SPAG17: variants seen among roughly 807,000 people sequenced by gnomAD.
SPAG17 encodes sperm associated antigen 17, also known as sperm-associated antigen 17.
In SPAG17, 169 loss-of-function variants were observed where a neutral mutation model predicts 273.6. The observed-to-expected ratio is 0.62, with a 90% CI of 0.55 to 0.70. The LOEUF is 0.70. Ranked by LOEUF, SPAG17 falls within the 30% of genes least tolerant of loss-of-function variation. The pLI is 0.00. For synonymous variants in SPAG17, 825 were observed against 873.2 expected, an observed-to-expected ratio of 0.94 and a Z score of 0.97; for missense variants, 2,557 against 2,627.8, an observed-to-expected ratio of 0.97 and a Z score of 0.59.
intron 43 of SPAG17, among the ~76,000 whole-genome samples, chr1:117,978,955 C>T (rs1430633537): frequency 2.6e-5 from 4 of 151,708 alleles, no homozygotes; most frequent in Non-Finnish European, 4.4e-5. Context: ...GCAACCTCTA[C>T]CTCCCTGGTT....
chr1:118,034,851 T>A (rs1411347554), intron 24 of SPAG17, among the ~76,000 whole-genome samples: 1 of 152,190 alleles, frequency 6.6e-6, no homozygotes, highest in East Asian at 1.9e-4. Flanking sequence ...TTAGGTATAT[T>A]CAGTAGGCAC....
At chr1:118,167,856 C>T (rs1233955154) in intron 1 of SPAG17, among the ~76,000 whole-genome samples, 1 of 152,104 alleles carries the variant, frequency 6.6e-6, no homozygotes, top group Non-Finnish European at 1.5e-5. Flanking sequence ...GGTTTAGAAC[C>T]ATCCTCTGGG....
Position 118,039,367 on chromosome 1 carries a change from C to G in SPAG17, c.3244G>C (p.Val1082Leu). Residue 1082 changes from valine to leucine, a missense_variant, in exon 23 of 49, where the codon GTG (valine) becomes CTG (leucine). Val to Leu is a conservative substitution (Grantham distance 32). Coordinates refer to ENST00000336338, the MANE Select transcript of SPAG17 (RefSeq NM_206996.4). The stretch of plus-strand genomic sequence containing the variant: ...TAATCCCCTTTCTCTTCCTTTTTCA[C>G]AATTTCCTTAGGGTCATTTAAATGA... ...MIHLNDPKEIVKKEEKGDYYL... is the reference protein window; with the variant it reads ...MIHLNDPKEILKKEEKGDYYL... 3 of 1,613,400 alleles carry G rather than the reference C, an allele frequency of 1.9e-6. No individual in the cohort carries two copies. The highest frequency in any genetic ancestry group is 2.5e-6 in the Non-Finnish European group (3 of 1,179,622).
intron 32 of SPAG17, among the ~76,000 whole-genome samples, chr1:118,002,707 G>T (rs1315617697): frequency 6.6e-6 from 1 of 151,752 alleles, no homozygotes; most frequent in African/African-American, 2.4e-5. Context: ...TTTATTTTGA[G>T]CCTATGTGTG....
chr1:117,987,602 C>T lies in SPAG17; in HGVS notation c.5669+232G>A, dbSNP rs566363768. Among the ~76,000 whole-genome samples the T allele has an allele frequency of 3.7e-4, 57 of 152,258 alleles. No individual in the cohort carries two copies. The South Asian group carries it at 3.9e-3, about 11-fold the overall frequency. Reference sequence around the variant, plus strand: ...AGAATCACCTAAAGCACATTGAGGGCCTAGAGAGCTTTCTTGCTTAGGAGA... The same window carrying T: ...AGAATCACCTAAAGCACATTGAGGGTCTAGAGAGCTTTCTTGCTTAGGAGA... On this transcript the variant is annotated intron_variant, in intron 40 of 48. Coordinates refer to ENST00000336338, the MANE Select transcript of SPAG17 (RefSeq NM_206996.4).
chr1:118,157,434 G>GAAAAGC (rs1419303726), intron 1 of SPAG17, among the ~76,000 whole-genome samples: 1 of 152,136 alleles, frequency 6.6e-6, no homozygotes, highest in Non-Finnish European at 1.5e-5. Flanking sequence ...TGGGCTCTAT[G>GAAAAGC]AAAAGCAGGT....
intron 10 of SPAG17, among the ~76,000 whole-genome samples, chr1:118,090,728 T>A (rs1231546703): frequency 2.6e-5 from 4 of 152,014 alleles, no homozygotes; most frequent in African/African-American, 9.6e-5. Flanking sequence ...TCCAAAAAAA[T>A]TATTTTAAAT....
In SPAG17 at chr1:117,988,181, A is replaced by G. The variant is rs1256841905; in HGVS notation, c.5545T>C (p.Phe1849Leu). The part of the protein sequence containing the change: ...TEVAAHLTDL[F>L]KQSLATPPKC... ...GGAGGCGTAGCCAAAGACTGCTTGA[A>G]TAAATCAGTTAGGTGAGCTGCAACT... Residue 1849 changes from phenylalanine to leucine, a missense_variant, in exon 39 of 49, where the codon TTC becomes CTC. Phe to Leu is a conservative substitution (Grantham distance 22). Transcript: ENST00000336338. 6.3e-7 allele frequency: 1 copy of G among 1,599,914 alleles called. No individual in the cohort carries two copies. Among genetic ancestry groups the G allele is most frequent in the South Asian group, 1.1e-5 (1 of 87,640 alleles).
chr1:118,179,027 A>G (rs897034986), intron 1 of SPAG17, among the ~76,000 whole-genome samples: 1 of 152,000 alleles, frequency 6.6e-6, no homozygotes. Flanking sequence ...TATCCATACT[A>G]TCCAAAATAA....
At chr1:118,148,410 C>G (rs950005970) in intron 3 of SPAG17, among the ~76,000 whole-genome samples, 1 of 152,206 alleles carries the variant, frequency 6.6e-6, no homozygotes, top group Non-Finnish European at 1.5e-5. Flanking sequence ...CTGCAAGGTG[C>G]TAGCTCAGGT....
chr1:118,148,982 C>T (rs926564867), intron 3 of SPAG17, among the ~76,000 whole-genome samples: 3 of 152,070 alleles, frequency 2.0e-5, no homozygotes, highest in Admixed American at 6.6e-5. Context: ...TGACAAGGAG[C>T]CTGAATTTGT....
At chr1:118,050,304 T>C (rs1650851847) in intron 20 of SPAG17, among the ~76,000 whole-genome samples, 1 of 152,174 alleles carries the variant, frequency 6.6e-6, no homozygotes, top group Admixed American at 6.5e-5. Flanking sequence ...CCAATTGTAC[T>C]TTATTTCCTT....
intron 24 of SPAG17, among the ~76,000 whole-genome samples, chr1:118,034,536 G>A (rs1169864927): frequency 1.3e-5 from 2 of 152,192 alleles, no homozygotes; most frequent in African/African-American, 4.8e-5. Flanking sequence ...GCTCTGGGAA[G>A]CATTTCTCAG....
intron 30 of SPAG17, among the ~76,000 whole-genome samples, chr1:118,008,747 CT>C (rs1047249143): frequency 2.8e-4 from 42 of 151,988 alleles, no homozygotes; most frequent in Non-Finnish European, 6.0e-4. Flanking sequence ...CATTCTACAC[CT>C]GCTTTTTTCA....
At chr1:118,049,825 G>A (rs898461648) in intron 20 of SPAG17, among the ~76,000 whole-genome samples, 9 of 152,198 alleles carry the variant, frequency 5.9e-5, no homozygotes, top group African/African-American at 1.9e-4. Context: ...CAGCAGGAAT[G>A]CCAGATGACC....
chr1:118,069,694 A>G (rs1653379077), intron 17 of SPAG17, among the ~76,000 whole-genome samples: 1 of 152,230 alleles, frequency 6.6e-6, no homozygotes, highest in Admixed American at 6.5e-5. Context: ...ATTAGATAGT[A>G]TATAACAGAT....
chr1:117,956,043 C>CA (rs1252170248), intron 48 of SPAG17, among the ~76,000 whole-genome samples: 1 of 152,092 alleles, frequency 6.6e-6, no homozygotes, highest in African/African-American at 2.4e-5. Flanking sequence ...GTGTGTGAGC[C>CA]AAAAGGTAAT....
intron 48 of SPAG17, chr1:117,955,155 C>A: frequency 1.8e-6 from 1 of 553,680 alleles, no homozygotes; most frequent in Admixed American, 3.5e-5. Flanking sequence ...GTTGTCAACC[C>A]AGATCTGACT....
Position 118,028,481 on chromosome 1 carries a change from G to T in SPAG17, c.3610-87C>A. The T allele has an allele frequency of 4.6e-6, 7 of 1,532,018 alleles. No individual in the cohort carries two copies. In the East Asian group the frequency reaches 1.6e-4, roughly 35 times the overall value. 94.9% of individuals were successfully genotyped at this position (1,532,018 alleles called of 1,614,324 possible). On this transcript the variant is annotated intron_variant, in intron 25 of 48. Transcript: ENST00000336338. ...TTGACTAAGCCAGGATATGCTGAGT[G>T]CTCAGGACATGACTTGCACAGAGCT...
Sources: allele counts gnomAD v4.1 joint callset (sites outside exome capture counted in the v4.1 genomes callset), GRCh38; gene constraint gnomAD v4.1.1; transcripts MANE v1.5; gene names NCBI Gene and HGNC (gene_info 2026-07-23, HGNC 2026-07-21).